Variants in CRIPT observed in about 807,000 individuals in gnomAD.
The protein encoded by CRIPT is CXXC repeat containing interactor of PDZ3 domain.
CRIPT carries 20 observed loss-of-function variants against 16.6 expected under a neutral mutation model. The ratio of observed to expected loss-of-function variants is 1.20; its 90% confidence interval spans 0.85 to 1.75. CRIPT has a LOEUF of 1.75. Ranked by LOEUF, CRIPT falls within the 40% of genes most tolerant of loss-of-function variation. CRIPT has a pLI of 0.00. For synonymous variants in CRIPT, 42 were observed against 37.0 expected, an observed-to-expected ratio of 1.14 and a Z score of -0.49; for missense variants, 133 against 115.3, an observed-to-expected ratio of 1.15 and a Z score of -0.70.
Position 46,617,217 on chromosome 2 carries a change from A to G in CRIPT, c.-66A>G, listed in dbSNP as rs1418003358. 2 of 1,548,058 alleles carry G rather than the reference A, an allele frequency of 1.3e-6. No homozygotes were observed. The highest frequency in any genetic ancestry group is 1.4e-5 in the African/African-American group (1 of 73,032). ...CGGAAGGGGAATACTTCCAAGTTGT[A>G]GTGTTGTTGTTTTCAGCCTGCTGCT... On this transcript the variant is annotated 5_prime_UTR_variant, in exon 1 of 5. Coordinates refer to ENST00000238892, the MANE Select transcript of CRIPT (RefSeq NM_014171.6).
In CRIPT at chr2:46,624,165, A is replaced by G. The variant is rs373555322; in HGVS notation, c.244A>G (p.Ile82Val). ...YCQGCAYKKG[I>V]CAMCGKKVLD... ...TCACATATCTTCTTTTGTTTCAGGCATCTGTGCGATGTGTGGAAAAAAGGT... is the reference window on the plus strand; with the variant it reads ...TCACATATCTTCTTTTGTTTCAGGCGTCTGTGCGATGTGTGGAAAAAAGGT... The change falls in exon 5 of 5, where the codon ATC becomes GTC. Residue 82 changes from isoleucine (I) to valine (V), a missense_variant and splice_region_variant. Transcript: ENST00000238892. 13 of 1,561,940 alleles carry G rather than the reference A, an allele frequency of 8.3e-6. No individual in the cohort carries two copies. The highest frequency in any genetic ancestry group is 1.7e-4 in the Middle Eastern group (1 of 5,888).
rs1283578374 is a variant in CRIPT, at chr2:46,626,526, G to T, written c.*2299G>T. On this transcript the variant is annotated 3_prime_UTR_variant, in exon 5 of 5. Coordinates refer to ENST00000238892, the MANE Select transcript of CRIPT (RefSeq NM_014171.6). Reference sequence around the variant, plus strand: ...GAAATCTCCAAACTGCTTTCACAGTGGCTGAACTAATTTGCATTTCCATCA... The same window carrying T: ...GAAATCTCCAAACTGCTTTCACAGTTGCTGAACTAATTTGCATTTCCATCA... Among the ~76,000 whole-genome samples the T allele has an allele frequency of 2.6e-5, 4 of 152,176 alleles. No homozygotes were observed. The highest frequency in any genetic ancestry group is 9.7e-5 in the African/African-American group (4 of 41,440).
rs1305800784 is a variant in CRIPT at position 46,624,984 on chromosome 2, T to C, written c.*757T>C. On this transcript the variant is annotated 3_prime_UTR_variant, in exon 5 of 5. Transcript: ENST00000238892. Reference sequence around the variant, plus strand: ...GCTCTTTGAAGCAAAAACCAAACTTTTTTTTTTTTTTTTTTACCTCCTGTC... The same window carrying C: ...GCTCTTTGAAGCAAAAACCAAACTTCTTTTTTTTTTTTTTTACCTCCTGTC... 1.3e-5 allele frequency: 2 copies of C among 149,034 alleles called. No homozygotes were observed. The highest frequency in any genetic ancestry group is 4.9e-5 in the African/African-American group (2 of 41,022). The allele number at this position is 149,034 out of a possible 1,614,324, so 9.2% of individuals were successfully genotyped here. A position where few individuals can be genotyped will look rare whatever the true frequency, so the allele number is the denominator to read the frequency against.
rs1670964590 is a variant in CRIPT, at chr2:46,627,373, T to G, written c.*3146T>G. Among the ~76,000 whole-genome samples, 1 of 152,194 alleles carries G rather than the reference T, an allele frequency of 6.6e-6. No individual in the cohort carries two copies. The highest frequency in any genetic ancestry group is 2.4e-5 in the African/African-American group (1 of 41,478). Reference sequence around the variant, plus strand: ...TTAGCCGTAAGTTCTTTCCCATAGCTGATGTCCAGATGTTATTTCGTAGGT... The same window carrying G: ...TTAGCCGTAAGTTCTTTCCCATAGCGGATGTCCAGATGTTATTTCGTAGGT... On this transcript the variant is annotated 3_prime_UTR_variant, in exon 5 of 5. Coordinates refer to ENST00000238892, the MANE Select transcript of CRIPT (RefSeq NM_014171.6).
In CRIPT at chr2:46,618,854, G is replaced by C. The variant is rs758511452; in HGVS notation, c.82+16G>C. 2 of 1,517,394 alleles carry C rather than the reference G, an allele frequency of 1.3e-6. No homozygotes were observed. Among genetic ancestry groups the C allele is most frequent in the Non-Finnish European group, 1.8e-6 (2 of 1,100,318 alleles). 94.0% of individuals were successfully genotyped at this position (1,517,394 alleles called of 1,614,324 possible). A position where few individuals can be genotyped will look rare whatever the true frequency, so the allele number is the denominator to read the frequency against. ...AATACCACAGGTATTTCTTCTTTTAGAAAATAGGAATTTAACCGAATACTT... is the reference window on the plus strand; with the variant it reads ...AATACCACAGGTATTTCTTCTTTTACAAAATAGGAATTTAACCGAATACTT... On this transcript the variant is annotated intron_variant, in intron 2 of 4. Transcript: ENST00000238892.
chr2:46,621,632 T>C (rs1329076443), intron 3 of CRIPT, among the ~76,000 whole-genome samples: 1 of 152,258 alleles, frequency 6.6e-6, no homozygotes, highest in Non-Finnish European at 1.5e-5. Flanking sequence ...TTGCCTATCA[T>C]GTTCATCTTT....
intron 1 of CRIPT, among the ~76,000 whole-genome samples, 170 bp downstream of exon 1, chr2:46,617,468 A>G (rs1242555312): frequency 6.6e-6 from 1 of 151,996 alleles, no homozygotes; most frequent in East Asian, 1.9e-4. Context: ...ACGACCATAC[A>G]GTCCTATATA....
At position 46,628,911 on chromosome 2, in the gene CRIPT, A is replaced by C. The variant is rs1671008313; in HGVS notation, c.*4684A>C. 6.6e-6 allele frequency among the ~76,000 whole-genome samples: 1 copy of C among 152,232 alleles called. No homozygotes were observed. The highest frequency in any genetic ancestry group is 2.4e-5 in the African/African-American group (1 of 41,460). The stretch of plus-strand genomic sequence containing the variant: ...GTTGAAAAATGCAGAAAAAAAGTTT[A>C]AAAACAAGGAATTAAAGCCAAACCT... On this transcript the variant is annotated 3_prime_UTR_variant, in exon 5 of 5. Coordinates refer to ENST00000238892, the MANE Select transcript of CRIPT (RefSeq NM_014171.6).
chr2:46,621,343 A>T (rs987945582), intron 3 of CRIPT, among the ~76,000 whole-genome samples: 3 of 152,062 alleles, frequency 2.0e-5, no homozygotes, highest in African/African-American at 4.8e-5. Flanking sequence ...CTCCCATCCA[A>T]AGAGATTTGT....
At chr2:46,620,024 G>C (rs1670763000) in intron 3 of CRIPT, among the ~76,000 whole-genome samples, 1 of 152,174 alleles carries the variant, frequency 6.6e-6, no homozygotes, top group African/African-American at 2.4e-5. Context: ...TAGACTCACT[G>C]TCTAGCCTTA....
At position 46,627,179 on chromosome 2, in the gene CRIPT, G is replaced by C. The variant is rs1304354993; in HGVS notation, c.*2952G>C. ...TTCTGAATTGTTTTAGTTCCTTATAGATTTTGGACATTAGACCTTTTTCAG... is the reference window on the plus strand; with the variant it reads ...TTCTGAATTGTTTTAGTTCCTTATACATTTTGGACATTAGACCTTTTTCAG... On this transcript the variant is annotated 3_prime_UTR_variant, in exon 5 of 5. Transcript: ENST00000238892. Among the ~76,000 whole-genome samples the C allele has an allele frequency of 6.6e-6, 1 of 152,124 alleles. No individual in the cohort carries two copies. Among genetic ancestry groups the C allele is most frequent in the African/African-American group, 2.4e-5 (1 of 41,416 alleles).
At chr2:46,623,673 A>G (rs1670865713) in intron 3 of CRIPT, 91 bp from the exon 4 acceptor site, 3 of 665,234 alleles carry the variant, frequency 4.5e-6, no homozygotes, top group Non-Finnish European at 7.8e-6. Context: ...GATGGAGAGC[A>G]TGGATTAATC....
chr2:46,629,214 C>T lies in CRIPT; in HGVS notation c.*4987C>T, dbSNP rs565355766. 8.5e-5 allele frequency among the ~76,000 whole-genome samples: 13 copies of T among 152,248 alleles called. No homozygotes were observed. Among genetic ancestry groups the T allele is most frequent in the East Asian group, 3.9e-4 (2 of 5,180 alleles). On this transcript the variant is annotated 3_prime_UTR_variant, in exon 5 of 5. Coordinates refer to ENST00000238892, the MANE Select transcript of CRIPT (RefSeq NM_014171.6). ...CTCTTTACATCCTTATGGCAGCCTT[C>T]GAATACCTTTTAACTCCCAGTTCCC...
rs1670910488 is a variant in CRIPT, at chr2:46,625,267, C to G, written c.*1040C>G. The G allele has an allele frequency of 6.6e-6, 1 of 151,304 alleles. No homozygotes were observed. The highest frequency in any genetic ancestry group is 6.6e-5 in the Admixed American group (1 of 15,136). 9.4% of individuals were successfully genotyped at this position (151,304 alleles called of 1,614,324 possible). A position where few individuals can be genotyped will look rare whatever the true frequency, so the allele number is the denominator to read the frequency against. On this transcript the variant is annotated 3_prime_UTR_variant, in exon 5 of 5. Coordinates refer to ENST00000238892, the MANE Select transcript of CRIPT (RefSeq NM_014171.6). ...TTTATTTTTAGTAGAGATGAGGACTCACTATGTTGCCCAAGCTGTTCTCGA... is the reference window on the plus strand; with the variant it reads ...TTTATTTTTAGTAGAGATGAGGACTGACTATGTTGCCCAAGCTGTTCTCGA...
intron 1 of CRIPT, among the ~76,000 whole-genome samples, chr2:46,618,185 T>G (rs187189838): frequency 6.6e-6 from 1 of 151,970 alleles, no homozygotes; most frequent in Admixed American, 6.6e-5. Flanking sequence ...TAGCTGTCGA[T>G]TATTATACTT....
Position 46,627,827 on chromosome 2 carries a change from G to A in CRIPT, c.*3600G>A, listed in dbSNP as rs193227943. Among the ~76,000 whole-genome samples the A allele has an allele frequency of 6.6e-5, 10 of 152,214 alleles. No homozygotes were observed. The highest frequency in any genetic ancestry group is 6.5e-4 in the Admixed American group (10 of 15,296). On this transcript the variant is annotated 3_prime_UTR_variant, in exon 5 of 5. Coordinates refer to ENST00000238892, the MANE Select transcript of CRIPT (RefSeq NM_014171.6). ...GTCCAGTTTGAGTCTTCTGCATATG[G>A]CTAGACAGCTGTTCCAGCACCATTT...
rs759346570 is a variant in CRIPT, at chr2:46,619,677, G to C, written c.133G>C (p.Ala45Pro). The C allele has an allele frequency of 9.3e-6, 15 of 1,610,818 alleles. No individual in the cohort carries two copies. In the Admixed American group the frequency reaches 1.7e-4, roughly 18 times the overall value. The change falls in exon 3 of 5, where the codon GCA becomes CCA. Residue 45 changes from alanine (A) to proline (P), a missense_variant. Coordinates refer to ENST00000238892, the MANE Select transcript of CRIPT (RefSeq NM_014171.6). ...NENKALTSKK[A>P]RFDPYGKNKF... ...AAATAAAGCTTTGACTTCAAAAAAA[G>C]CAAGGTGGGTAAGAGGATCCATCGA...
intron 3 of CRIPT, 63 bp downstream of exon 3, chr2:46,619,744 G>C: frequency 7.8e-7 from 1 of 1,284,290 alleles, no homozygotes; most frequent in Non-Finnish European, 1.1e-6. Flanking sequence ...AAGTCTGCTG[G>C]AGTGAATTTG....
intron 3 of CRIPT, 87 bp downstream of exon 3, chr2:46,619,768 C>G: frequency 9.9e-7 from 1 of 1,011,254 alleles, no homozygotes; most frequent in Non-Finnish European, 1.5e-6. Context: ...TGCATCATTC[C>G]ATTTGCAATA....
Sources: allele counts gnomAD v4.1 joint callset (sites outside exome capture counted in the v4.1 genomes callset), GRCh38; gene constraint gnomAD v4.1.1; transcripts MANE v1.5; gene names NCBI Gene and HGNC (gene_info 2026-07-23, HGNC 2026-07-21).